SLC4A10: variants seen among roughly 807,000 people sequenced by gnomAD.
The protein encoded by SLC4A10 is sodium-driven chloride bicarbonate exchanger.
In SLC4A10, 42 loss-of-function variants were observed where a neutral mutation model predicts 137.7. The ratio of observed to expected loss-of-function variants is 0.30; its 90% CI spans 0.24 to 0.39. The LOEUF (loss-of-function observed/expected upper bound fraction) is 0.39, where lower values mean the gene tolerates loss of function less well. Among genes scored for constraint, SLC4A10 ranks in the 10% least tolerant of loss-of-function variants. The pLI is 1.00. For synonymous variants in SLC4A10, 474 were observed against 464.1 expected, an observed-to-expected ratio of 1.02 and a Z score of -0.27; for missense variants, 925 against 1,355.0, an observed-to-expected ratio of 0.68 and a Z score of 4.98.
chr2:161,930,387 A>G (rs1690117501), intron 15 of SLC4A10, among the ~76,000 whole-genome samples: 1 of 147,240 alleles, frequency 6.8e-6, no homozygotes, highest in South Asian at 2.1e-4. Flanking sequence ...CATAAAACAC[A>G]AAGTTATATG....
chr2:161,749,336 T>G (rs1354136807), intron 1 of SLC4A10, among the ~76,000 whole-genome samples: 1 of 151,998 alleles, frequency 6.6e-6, no homozygotes, highest in African/African-American at 2.4e-5. Flanking sequence ...AATGGGTATC[T>G]TTTTCTTGTA....
chr2:161,912,717 C>T (rs1159724436), intron 15 of SLC4A10, among the ~76,000 whole-genome samples: 2 of 152,094 alleles, frequency 1.3e-5, no homozygotes, highest in Non-Finnish European at 2.9e-5. Context: ...TGCTGAATGT[C>T]AGAAATGGAT....
At chr2:161,843,270 T>A (rs575708740) in intron 4 of SLC4A10, among the ~76,000 whole-genome samples, 1 of 152,318 alleles carries the variant, frequency 6.6e-6, no homozygotes, top group South Asian at 2.1e-4. Context: ...ACTCTCACTT[T>A]GTTACAGTTG....
At chr2:161,660,058 G>C (rs930230589) in intron 1 of SLC4A10, among the ~76,000 whole-genome samples, 9 of 147,448 alleles carry the variant, frequency 6.1e-5, no homozygotes, top group Non-Finnish European at 1.2e-4. Context: ...GTTTCTTTTG[G>C]GGGGTGATGG....
At chr2:161,926,077 G>A (rs1451512929) in intron 15 of SLC4A10, among the ~76,000 whole-genome samples, 1 of 152,012 alleles carries the variant, frequency 6.6e-6, no homozygotes, top group Admixed American at 6.6e-5. Flanking sequence ...TCCGCTTGGT[G>A]CAGAGCTGAG....
chr2:161,653,612 T>A (rs989475385), intron 1 of SLC4A10, among the ~76,000 whole-genome samples: 2 of 152,250 alleles, frequency 1.3e-5, no homozygotes, highest in African/African-American at 4.8e-5. Flanking sequence ...TTGATTATTT[T>A]AAATATCTTA....
chr2:161,851,501 A>C (rs1412244128), intron 4 of SLC4A10, among the ~76,000 whole-genome samples: 1 of 152,040 alleles, frequency 6.6e-6, no homozygotes, highest in Non-Finnish European at 1.5e-5. Flanking sequence ...TTTTGGTTTA[A>C]AGTCATTCTT....
chr2:161,660,808 C>T (rs2038279492), intron 1 of SLC4A10, among the ~76,000 whole-genome samples: 1 of 151,306 alleles, frequency 6.6e-6, no homozygotes, highest in African/African-American at 2.4e-5. Flanking sequence ...CGCCCACCAC[C>T]ACACCCAGCT....
intron 1 of SLC4A10, among the ~76,000 whole-genome samples, chr2:161,704,727 A>G (rs1349297852): frequency 6.6e-6 from 1 of 151,582 alleles, no homozygotes; most frequent in East Asian, 1.9e-4. Context: ...TTCCTTTATC[A>G]TTAACATCTT....
chr2:161,817,902 G>C (rs1219012202), intron 3 of SLC4A10, among the ~76,000 whole-genome samples: 7 of 151,794 alleles, frequency 4.6e-5, no homozygotes, highest in Non-Finnish European at 1.0e-4. Context: ...ATAGTTTGAA[G>C]TCAGGTAGCG....
chr2:161,768,123 CA>C (rs2051128513), intron 1 of SLC4A10, among the ~76,000 whole-genome samples: 1 of 151,984 alleles, frequency 6.6e-6, no homozygotes. Context: ...GAAAAGAAAA[CA>C]AATACTCTGA....
intron 16 of SLC4A10, among the ~76,000 whole-genome samples, chr2:161,946,284 A>G (rs184078823): frequency 3.4e-4 from 52 of 152,136 alleles, no homozygotes; most frequent in Admixed American, 5.9e-4. Context: ...TGTATTAACT[A>G]TATTTCTCAA....
chr2:161,914,353 C>T (rs1367118956), intron 15 of SLC4A10, among the ~76,000 whole-genome samples: 1 of 151,980 alleles, frequency 6.6e-6, no homozygotes, highest in African/African-American at 2.4e-5. Flanking sequence ...CCCACCCCAC[C>T]AAAAAAACTA....
At chr2:161,659,722 A>C (rs1337953773) in intron 1 of SLC4A10, among the ~76,000 whole-genome samples, 1 of 152,246 alleles carries the variant, frequency 6.6e-6, no homozygotes, top group Admixed American at 6.5e-5. Flanking sequence ...TCATAAGAAC[A>C]TTTATAATAG....
intron 4 of SLC4A10, 45 bp downstream of exon 4, chr2:161,839,972 A>G (rs1236468092): frequency 5.0e-6 from 8 of 1,603,560 alleles, no homozygotes; most frequent in Non-Finnish European, 5.1e-6. Context: ...AAGAATTTTC[A>G]TGTTACTAGA....
chr2:161,637,534 T>C (rs1005247913), intron 1 of SLC4A10, among the ~76,000 whole-genome samples: 2 of 152,088 alleles, frequency 1.3e-5, no homozygotes, highest in East Asian at 1.9e-4. Flanking sequence ...CACTCATTTA[T>C]TGATGGACAC....
intron 10 of SLC4A10, among the ~76,000 whole-genome samples, chr2:161,884,767 A>G (rs576229336): frequency 1.3e-5 from 2 of 152,370 alleles, no homozygotes; most frequent in African/African-American, 4.8e-5. Flanking sequence ...ACAACAGGAC[A>G]TTGATTGAAT....
At chr2:161,962,867 A>G (rs574072479) in intron 21 of SLC4A10, among the ~76,000 whole-genome samples, 4 of 152,158 alleles carry the variant, frequency 2.6e-5, no homozygotes, top group African/African-American at 9.7e-5. Context: ...TTTTGACTCA[A>G]TGGACAACTG....
At chr2:161,725,951 C>T (rs539632476) in intron 1 of SLC4A10, among the ~76,000 whole-genome samples, 38 of 152,310 alleles carry the variant, frequency 2.5e-4, no homozygotes, top group African/African-American at 9.1e-4. Flanking sequence ...AGCACACATA[C>T]TTGCACGTCT....
Sources: gnomAD v4.1 joint callset for allele counts (sites outside exome capture counted in the v4.1 genomes callset) on GRCh38, gnomAD v4.1.1 for gene constraint, MANE v1.5 for transcripts, NCBI Gene and HGNC (gene_info 2026-07-23, HGNC 2026-07-21) for gene names.